LARS1: variants seen among roughly 807,000 people sequenced by gnomAD.
The protein encoded by LARS1 is leucine--tRNA ligase, cytoplasmic.
A neutral mutation model predicts 162.8 loss-of-function variants in LARS1; 100 were observed. The ratio of observed to expected loss-of-function variants is 0.61; its 90% CI spans 0.52 to 0.73. LARS1 has a LOEUF of 0.73. LARS1 is among the 30% of genes least tolerant of loss of function. LARS1 has a pLI of 0.00. For missense variants in LARS1, 1,258 were observed against 1,408.9 expected (o/e 0.89, Z 1.71); for synonymous variants, 457 against 462.8 (o/e 0.99, Z 0.16).
At chr5:146,127,416 T>C (rs1490823954) in intron 27 of LARS1, among the ~76,000 whole-genome samples, 1 of 152,104 alleles carries the variant, frequency 6.6e-6, no homozygotes, top group East Asian at 1.9e-4. Context: ...GAACATTCTT[T>C]TCATTCCTGT....
At chr5:146,147,479 G>A (rs759738461) in intron 15 of LARS1, among the ~76,000 whole-genome samples, 1 of 151,462 alleles carries the variant, frequency 6.6e-6, no homozygotes, top group Non-Finnish European at 1.5e-5. Context: ...TTGAATCCGG[G>A]TGATAGGTAT....
Position 146,171,335 on chromosome 5 carries a change from C to A in LARS1, c.294+575G>T, listed in dbSNP as rs187445973. Among the ~76,000 whole-genome samples, 3 of 149,122 alleles carry A rather than the reference C, an allele frequency of 2.0e-5. No individual in the cohort carries two copies. The East Asian group carries it at 5.9e-4, about 29-fold the overall frequency. On this transcript the variant is annotated intron_variant, in intron 4 of 31. Transcript: ENST00000394434. ...TCACACCATTGCACTGCAGCCTGGA[C>A]GACAAAAGCAAAACTCCGTCTCAAA...
intron 10 of LARS1, among the ~76,000 whole-genome samples, chr5:146,155,445 C>T (rs1581058570): frequency 6.6e-6 from 1 of 152,134 alleles, no homozygotes; most frequent in Non-Finnish European, 1.5e-5. Flanking sequence ...GGGTACTATA[C>T]ATCTATTTAA....
Position 146,144,282 on chromosome 5 carries a change from T to C in LARS1, c.1723A>G (p.Arg575Gly), listed in dbSNP as rs139533498. The C allele has an allele frequency of 6.2e-7, 1 of 1,611,446 alleles. No individual in the cohort carries two copies. The highest frequency in any genetic ancestry group is 8.5e-7 in the Non-Finnish European group (1 of 1,179,372). ...LGWLQEHACS[R>G]TYGLGTHLPW... ...GTTTGTTTACCTAGACCATAAGTTC[T>C]TGAGCAAGCATGTTCTTGTAGCCAA... The change falls in exon 18 of 32, where the codon AGA becomes GGA. Residue 575 changes from arginine to glycine, a missense_variant. Coordinates refer to ENST00000394434, the MANE Select transcript of LARS1 (RefSeq NM_020117.11).
chr5:146,181,866 T>TTTTTTTTTTTTTTTTTTG (rs1754876463), intron 1 of LARS1, among the ~76,000 whole-genome samples: 1 of 139,372 alleles, frequency 7.2e-6, no homozygotes. Context: ...TTTTTTTTTT[T>TTTTTTTTTTTTTTTTTTG]TTTTTTTTTT....
chr5:146,170,787 G>A (rs1754234447), intron 4 of LARS1, among the ~76,000 whole-genome samples: 1 of 151,192 alleles, frequency 6.6e-6, no homozygotes, highest in Non-Finnish European at 1.5e-5. Context: ...CTGAGGTCAG[G>A]AGTTTGAAAC....
In LARS1 at chr5:146,157,609, T is replaced by C. The variant is rs1359004947; in HGVS notation, c.859A>G (p.Ile287Val). ...SKLSGLKGKN[I>V]FLVAATLRPE... The stretch of plus-strand genomic sequence containing the variant: ...CTGAGAGTAGCAGCCACCAAGAAAA[T>C]ATTTTTACCTTTCAGGCCACTGAGA... Residue 287 changes from isoleucine (I) to valine (V), a missense_variant, in exon 10 of 32, where the codon ATT (isoleucine) becomes GTT (valine). Transcript: ENST00000394434. 2 of 1,613,798 alleles carry C rather than the reference T, an allele frequency of 1.2e-6. No individual in the cohort carries two copies. The highest frequency in any genetic ancestry group is 1.7e-6 in the Non-Finnish European group (2 of 1,179,956).
chr5:146,168,023 T>C, intron 5 of LARS1, 105 bp downstream of exon 5: 3 of 965,198 alleles, frequency 3.1e-6, no homozygotes, highest in Non-Finnish European at 4.5e-6. Flanking sequence ...AAAAAAATGA[T>C]CTAGTACATT....
At chr5:146,159,617 G>GT in intron 7 of LARS1, 147 bp from the exon 8 acceptor site, 2 of 594,798 alleles carry the variant, frequency 3.4e-6, no homozygotes, top group Non-Finnish European at 6.0e-6. Flanking sequence ...TACTCTTATG[G>GT]TAGTTCCACT....
chr5:146,180,242 A>T (rs547181385), intron 1 of LARS1, among the ~76,000 whole-genome samples: 2 of 152,296 alleles, frequency 1.3e-5, no homozygotes, highest in East Asian at 3.9e-4. Flanking sequence ...CTCAAAAAAT[A>T]AAAAATATGG....
intron 2 of LARS1, among the ~76,000 whole-genome samples, chr5:146,173,384 C>T (rs894058607): frequency 1.3e-5 from 2 of 151,444 alleles, no homozygotes; most frequent in African/African-American, 4.9e-5. Context: ...CCCTTATGAA[C>T]CTAGGCTAAT....
chr5:146,143,698 G>A, intron 18 of LARS1, 148 bp from the exon 19 acceptor site: 1 of 803,200 alleles, frequency 1.2e-6, no homozygotes, highest in South Asian at 2.3e-5. Context: ...AAATAAAATT[G>A]TAGATAAAAG....
rs1277103977 is a variant in LARS1, at chr5:146,116,128, TC to T, written c.3326-1818del. Among the ~76,000 whole-genome samples the T allele has an allele frequency of 8.5e-5, 13 of 152,204 alleles. No individual in the cohort carries two copies. In the East Asian group the frequency reaches 1.7e-3, roughly 20 times the overall value. ...TTTCTGCAGGGACCATACAATCTAT[TC>T]CCAGACACAGTACGAGCCCTGAAAA... On this transcript the variant is annotated intron_variant, in intron 31 of 31. Transcript: ENST00000394434.
chr5:146,153,845 C>A, intron 11 of LARS1, 35 bp from the exon 12 acceptor site: 1 of 1,610,100 alleles, frequency 6.2e-7, no homozygotes, highest in South Asian at 1.1e-5. Flanking sequence ...ATAACTAGAA[C>A]CAAAATGTGT....
intron 18 of LARS1, 149 bp from the exon 19 acceptor site, chr5:146,143,699 T>A: frequency 1.2e-6 from 1 of 807,282 alleles, no homozygotes; most frequent in Non-Finnish European, 1.8e-6. Context: ...AATAAAATTG[T>A]AGATAAAAGA....
At chr5:146,116,682 G>T (rs561597972) in intron 31 of LARS1, among the ~76,000 whole-genome samples, 6 of 152,302 alleles carry the variant, frequency 3.9e-5, no homozygotes, top group African/African-American at 1.4e-4. Flanking sequence ...AACGAGAAAT[G>T]AAGGCTTTCA....
chr5:146,133,691 G>GAAAA (rs1176403260), intron 22 of LARS1, among the ~76,000 whole-genome samples: 1 of 22,492 alleles, frequency 4.4e-5, no homozygotes, highest in African/African-American at 1.2e-4. Flanking sequence ...CTATAGGGTT[G>GAAAA]CAAAAAAAAA....
At chr5:146,144,420 T>C (rs769035705) in intron 17 of LARS1, 52 bp downstream of exon 17, 19 of 1,597,682 alleles carry the variant, frequency 1.2e-5, no homozygotes, top group Non-Finnish European at 1.5e-5. Flanking sequence ...ACTTTACTGT[T>C]TCCACATTTT....
Position 146,120,380 on chromosome 5 carries a change from C to T in LARS1, c.3316G>A (p.Gly1106Arg), listed in dbSNP as rs1221121816. 3 of 1,612,912 alleles carry T rather than the reference C, an allele frequency of 1.9e-6. No homozygotes were observed. The highest frequency in any genetic ancestry group is 2.5e-6 in the Non-Finnish European group (3 of 1,179,182). The change falls in exon 31 of 32, where the codon GGA becomes AGA. Residue 1106 changes from glycine to arginine, a missense_variant. Transcript: ENST00000394434. ...TTGGGGAACAACTTACCTTTAATTC[C>T]TCGATTCATTTTCATTAAACGCCTG... ...IIRRLMKMNR[G>R]IKDLSKVKLM...
Sources: allele counts gnomAD v4.1 joint callset (sites outside exome capture counted in the v4.1 genomes callset), GRCh38; gene constraint gnomAD v4.1.1; transcripts MANE v1.5; gene names NCBI Gene and HGNC (gene_info 2026-07-23, HGNC 2026-07-21).